The following TMEM131 variants were observed in gnomAD, a reference collection of about 807,000 sequenced individuals.
The protein encoded by TMEM131 is 2610524E03Rik.
A neutral mutation model predicts 211.6 loss-of-function variants in TMEM131; 66 were observed. That is an observed-to-expected ratio of 0.31 (90% CI 0.26 to 0.38). The LOEUF (loss-of-function observed/expected upper bound fraction) is 0.38, where lower values mean the gene tolerates loss of function less well. Ranked by LOEUF, TMEM131 falls within the 10% of genes least tolerant of loss-of-function variation. The probability of loss-of-function intolerance (pLI) is 1.00; values close to 1 mark genes in which losing one functional copy is unlikely to be tolerated. For synonymous variants in TMEM131, 844 were observed against 841.3 expected, an observed-to-expected ratio of 1.00 and a Z score of -0.06; for missense variants, 2,036 against 2,299.3, an observed-to-expected ratio of 0.89 and a Z score of 2.34.
At chr2:97,816,212 G>A (rs1286622108) in intron 12 of TMEM131, among the ~76,000 whole-genome samples, 3 of 152,050 alleles carry the variant, frequency 2.0e-5, no homozygotes, top group Non-Finnish European at 4.4e-5. Context: ...GTGGTGGCAC[G>A]TGCCTGTAAT....
intron 1 of TMEM131, among the ~76,000 whole-genome samples, chr2:97,928,195 G>T (rs1677068638): frequency 1.3e-5 from 2 of 151,980 alleles, no homozygotes; most frequent in South Asian, 4.2e-4. Flanking sequence ...GACAAACTGT[G>T]GTATATCTAT....
chr2:97,907,100 A>G (rs1432211338), intron 3 of TMEM131: 2 of 152,196 alleles, frequency 1.3e-5, no homozygotes, highest in Admixed American at 6.5e-5. Flanking sequence ...AAGATAACAT[A>G]TATGTTTTTC....
intron 4 of TMEM131, among the ~76,000 whole-genome samples, chr2:97,867,555 G>A (rs1460005147): frequency 2.0e-5 from 3 of 152,170 alleles, no homozygotes; most frequent in African/African-American, 7.2e-5. Context: ...GGTAGACCCT[G>A]GTCTTCTCAG....
At chr2:97,800,877 G>A (rs939033676) in intron 25 of TMEM131, among the ~76,000 whole-genome samples, 8 of 152,152 alleles carry the variant, frequency 5.3e-5, no homozygotes, top group Non-Finnish European at 7.4e-5. Flanking sequence ...AGCAAAGCAC[G>A]AAAAGATTCC....
intron 31 of TMEM131, among the ~76,000 whole-genome samples, chr2:97,789,169 C>T (rs963708918): frequency 3.9e-5 from 6 of 152,220 alleles, no homozygotes; most frequent in Non-Finnish European, 8.8e-5. Flanking sequence ...CCAGGCTCCG[C>T]GAGCACTCTT....
Position 97,757,228 on chromosome 2 carries a change from G to T in TMEM131, c.5523C>A (p.His1841Gln). 1 of 1,614,004 alleles carries T rather than the reference G, an allele frequency of 6.2e-7. No homozygotes were observed. Among genetic ancestry groups the T allele is most frequent in the Non-Finnish European group, 8.5e-7 (1 of 1,179,892 alleles). The change falls in exon 41 of 41, where the codon CAC becomes CAA. Residue 1841 changes from histidine to glutamine, a missense_variant. Physicochemically the swap from His to Gln is conservative, Grantham distance 24. This residue lies in a region of TMEM131 where 1,623 missense variants were observed against 1,805.9 expected (regional missense o/e 0.90). Transcript: ENST00000186436. ...CAGCTGGACTGGAGGTGGAGGGAGC[G>T]TGAGGAGCAGGGGAGTTTTCTGTGC... Reference protein sequence around the residue: ...LMGTENSPAPHAPSTSSPADD... With the variant: ...LMGTENSPAPQAPSTSSPADD...
rs532436252 is a variant in TMEM131 at position 97,798,688 on chromosome 2, G to A, written c.2719-1172C>T. 8.5e-5 allele frequency among the ~76,000 whole-genome samples: 13 copies of A among 152,314 alleles called. No homozygotes were observed. The East Asian group carries it at 2.5e-3, about 29-fold the overall frequency. On this transcript the variant is annotated intron_variant, in intron 25 of 40. Transcript: ENST00000186436. ...CTCCATATATGCAGTTTTGCATCCT[G>A]AAAACTGTATTTTCCATCTGCACTT...
chr2:97,934,271 T>C (rs777465089), intron 1 of TMEM131, among the ~76,000 whole-genome samples: 9 of 152,178 alleles, frequency 5.9e-5, no homozygotes, highest in Non-Finnish European at 1.3e-4. Flanking sequence ...CAACGCCATT[T>C]ACGACTCCAA....
chr2:97,976,250 G>A (rs146293856), intron 1 of TMEM131, among the ~76,000 whole-genome samples: 13 of 152,206 alleles, frequency 8.5e-5, no homozygotes, highest in African/African-American at 3.1e-4. Flanking sequence ...GGAAAAAAAC[G>A]TATTTGCAGA....
At chr2:97,763,451 C>G (rs968795931) in intron 35 of TMEM131, 1 of 152,628 alleles carries the variant, frequency 6.6e-6, no homozygotes, top group African/African-American at 2.4e-5. Flanking sequence ...CCCTTGATGA[C>G]ATGGGCCCCT....
rs1259904648 is a variant in TMEM131 at position 97,940,526 on chromosome 2, C to T, written c.188-13039G>A. 2.6e-5 allele frequency among the ~76,000 whole-genome samples: 4 copies of T among 152,080 alleles called. No individual in the cohort carries two copies. The South Asian group carries it at 6.2e-4, about 24-fold the overall frequency. ...TCAGTGAAATAAAAGAGGACACAAA[C>T]GGCCTGGCGTGGTGGCTCACACCTG... On this transcript the variant is annotated intron_variant, in intron 1 of 40. Transcript: ENST00000186436.
chr2:97,916,622 T>C (rs1676518578), intron 2 of TMEM131, among the ~76,000 whole-genome samples: 1 of 152,184 alleles, frequency 6.6e-6, no homozygotes, highest in South Asian at 2.1e-4. Flanking sequence ...AAATCTAGCT[T>C]TGTTTGCAGA....
chr2:97,879,154 C>CT (rs1351765324), intron 4 of TMEM131, among the ~76,000 whole-genome samples: 1 of 152,216 alleles, frequency 6.6e-6, no homozygotes, highest in African/African-American at 2.4e-5. Flanking sequence ...TACAACAGAG[C>CT]TTCCCAGTGG....
intron 1 of TMEM131, among the ~76,000 whole-genome samples, chr2:97,980,638 T>C (rs1206514056): frequency 6.6e-6 from 1 of 152,200 alleles, no homozygotes; most frequent in African/African-American, 2.4e-5. Flanking sequence ...AGCGGCTTTA[T>C]TTATAACAGC....
chr2:97,889,704 G>A (rs1248585631), intron 3 of TMEM131, among the ~76,000 whole-genome samples: 1 of 151,952 alleles, frequency 6.6e-6, no homozygotes, highest in Non-Finnish European at 1.5e-5. Flanking sequence ...AGAGCCAAGA[G>A]GCTGTTCTGC....
At chr2:97,796,012 G>A (rs752646271) in intron 28 of TMEM131, among the ~76,000 whole-genome samples, 12 of 151,352 alleles carry the variant, frequency 7.9e-5, no homozygotes, top group Non-Finnish European at 1.6e-4. Flanking sequence ...GAGATATGAA[G>A]AAATGCCTTA....
At chr2:97,796,536 G>A (rs1218968098) in intron 27 of TMEM131, 132 bp from the exon 28 acceptor site, 5 of 676,800 alleles carry the variant, frequency 7.4e-6, no homozygotes, top group Non-Finnish European at 1.2e-5. Context: ...AGAGAGATCA[G>A]CTGTTCCTCA....
chr2:97,768,963 T>G (rs534282775), intron 33 of TMEM131, among the ~76,000 whole-genome samples: 1 of 150,272 alleles, frequency 6.7e-6, no homozygotes, highest in Non-Finnish European at 1.5e-5. Context: ...TATTTATTTA[T>G]TTACTGACAG....
intron 1 of TMEM131, among the ~76,000 whole-genome samples, chr2:97,951,480 T>G (rs969902125): frequency 1.3e-5 from 2 of 152,114 alleles, no homozygotes; most frequent in East Asian, 3.9e-4. Flanking sequence ...CTGGTAAGCT[T>G]CTCACTCTAT....
Sources: gnomAD v4.1 joint callset for allele counts (sites outside exome capture counted in the v4.1 genomes callset) on GRCh38, gnomAD v4.1.1 for gene constraint, gnomAD v4.1.1 regional missense constraint, MANE v1.5 for transcripts, NCBI Gene and HGNC (gene_info 2026-07-23, HGNC 2026-07-21) for gene names.